The following USP49 variants were observed in gnomAD, a reference collection of about 807,000 sequenced individuals.
USP49 encodes ubiquitin carboxyl-terminal hydrolase 49.
USP49 carries 24 observed loss-of-function variants against 58.6 expected under a neutral mutation model. The observed-to-expected ratio is 0.41, with a 90% CI of 0.30 to 0.58. The LOEUF (loss-of-function observed/expected upper bound fraction) is 0.58. USP49 is among the 20% of genes least tolerant of loss of function. USP49 has a pLI of 0.30. For missense variants in USP49, 703 were observed against 866.1 expected (o/e 0.81, Z 2.36); for synonymous variants, 408 against 365.1 (o/e 1.12, Z -1.34).
Position 41,805,759 on chromosome 6 carries a change from G to T in USP49, c.1225C>A (p.His409Asn). The change falls in exon 4 of 8, where the codon CAC becomes AAC. Residue 409 changes from histidine (H) to asparagine (N), a missense_variant. Physicochemically the swap from His to Asn is moderately conservative, Grantham distance 68 (BLOSUM62 1). Transcript: ENST00000682992. ...DAQEFLCELL[H>N]KVQQELESEG... ...GACTCGAGTTCCTGCTGCACCTTGT[G>T]CAGCAGCTCGCAGAGAAATTCCTGC... 6.2e-7 allele frequency: 1 copy of T among 1,614,132 alleles called. No individual in the cohort carries two copies.
intron 3 of USP49, among the ~76,000 whole-genome samples, chr6:41,863,428 T>A (rs1031597011): frequency 6.6e-6 from 1 of 152,204 alleles, no homozygotes; most frequent in Non-Finnish European, 1.5e-5. Context: ...ATTATTACTG[T>A]TTTAATTGCT....
Position 41,803,423 on chromosome 6 carries a change from C to A in USP49, c.1561+383G>T, listed in dbSNP as rs1455985283. 6.6e-6 allele frequency among the ~76,000 whole-genome samples: 1 copy of A among 152,204 alleles called. No individual in the cohort carries two copies. Among genetic ancestry groups the A allele is most frequent in the African/African-American group, 2.4e-5 (1 of 41,446 alleles). On this transcript the variant is annotated intron_variant, in intron 5 of 7. Coordinates refer to ENST00000682992, the MANE Select transcript of USP49 (RefSeq NM_001286554.2). This position sits in a 1 kb window ranked among gnomAD's most constrained non-coding sequence, Gnocchi z 4.1. ...GGTTCAACCGATTCTCCTGCCTCAG[C>A]CTCCCGAGTAGCTGGGATTACAGGC... is the stretch of plus-strand genomic sequence containing the variant.
chr6:41,878,361 G>A (rs1774538949), intron 2 of USP49, among the ~76,000 whole-genome samples: 1 of 152,098 alleles, frequency 6.6e-6, no homozygotes. Flanking sequence ...AGAACTAAAG[G>A]ACATACGATC....
At position 41,806,054 on chromosome 6, in the gene USP49, G is replaced by C; in HGVS notation, c.930C>G (p.Ser310Arg). ...KTQLSGKPTN[S>R]SATELSLRND... is the part of the protein sequence containing the mutation. The stretch of plus-strand genomic sequence containing the variant: ...TTCTCAAGGACAGCTCCGTGGCCGA[G>C]CTGTTGGTTGGCTTGCCAGAAAGCT... Residue 310 changes from serine (S) to arginine (R), a missense_variant, in exon 4 of 8, where the codon AGC (serine) becomes AGG (arginine). Around this residue, in one of 6 missense-constraint regions of USP49, gnomAD observed 97 missense variants for 88.0 expected, o/e 1.10. Transcript: ENST00000682992. The surrounding 1 kb of genome is among the most constrained non-coding windows in gnomAD (Gnocchi z 5.9). 6.2e-7 allele frequency: 1 copy of C among 1,614,066 alleles called. No individual in the cohort carries two copies. The highest frequency in any genetic ancestry group is 8.5e-7 in the Non-Finnish European group (1 of 1,180,044).
rs546399986 is a variant in USP49 at position 41,818,784 on chromosome 6, T to C, written c.-28-11773A>G. 4.6e-5 allele frequency among the ~76,000 whole-genome samples: 7 copies of C among 152,326 alleles called. 1 individual carries two copies. Among genetic ancestry groups the C allele is most frequent in the African/African-American group, 1.7e-4 (7 of 41,572 alleles). ...CTTAAGCCAAGAAAGGATTATCCTGTGCAACAGAACCCCTGATCTCATTTG... is the reference window on the plus strand; with the variant it reads ...CTTAAGCCAAGAAAGGATTATCCTGCGCAACAGAACCCCTGATCTCATTTG... On this transcript the variant is annotated intron_variant, in intron 3 of 7. Coordinates refer to ENST00000682992, the MANE Select transcript of USP49 (RefSeq NM_001286554.2).
chr6:41,817,835 C>G (rs754013598), intron 3 of USP49, among the ~76,000 whole-genome samples: 1 of 152,040 alleles, frequency 6.6e-6, no homozygotes, highest in Non-Finnish European at 1.5e-5. Context: ...AGACTGGTCT[C>G]GAACTCCTGA....
At chr6:41,812,268 G>A (rs948651122) in intron 3 of USP49, among the ~76,000 whole-genome samples, 1 of 151,488 alleles carries the variant, frequency 6.6e-6, no homozygotes, top group Admixed American at 6.6e-5. Context: ...TAGTAGAGAC[G>A]GGGTTTCTCC....
intron 3 of USP49, among the ~76,000 whole-genome samples, chr6:41,830,375 A>C (rs1370734752): frequency 6.6e-6 from 1 of 152,226 alleles, no homozygotes; most frequent in Non-Finnish European, 1.5e-5. Flanking sequence ...CAGTGATCAC[A>C]GGTCTCCAAG....
rs1324269228 is a variant in USP49, at chr6:41,806,918, C to G, written c.66G>C (p.Gln22His). Reference protein sequence around the residue: ...LAQDHSILNPQKWCCLECATT... With the variant: ...LAQDHSILNPHKWCCLECATT... ...TGGCACACTCTAAGCAGCACCACTT[C>G]TGAGGGTTCAGGATGGAGTGGTCCT... is the stretch of plus-strand genomic sequence containing the variant. Residue 22 changes from glutamine (Q) to histidine (H), a missense_variant, in exon 4 of 8, where the codon CAG becomes CAC. Physicochemically the swap from Gln to His is conservative, Grantham distance 24. Transcript: ENST00000682992. This position sits in a 1 kb window ranked among gnomAD's most constrained non-coding sequence, Gnocchi z 5.9. 6.2e-7 allele frequency: 1 copy of G among 1,613,636 alleles called. No homozygotes were observed. The highest frequency in any genetic ancestry group is 8.5e-7 in the Non-Finnish European group (1 of 1,179,920).
intron 6 of USP49, 62 bp from the exon 7 acceptor site, chr6:41,798,991 T>C (rs776090078): frequency 2.6e-6 from 4 of 1,537,246 alleles, no homozygotes; most frequent in Non-Finnish European, 3.5e-6. Flanking sequence ...TAGGTAGAGG[T>C]AGGTATTAAT....
At position 41,806,499 on chromosome 6, in the gene USP49, C is replaced by T; in HGVS notation, c.485G>A (p.Ser162Asn). Residue 162 changes from serine (S) to asparagine (N), a missense_variant, in exon 4 of 8, where the codon AGC (serine) becomes AAC (asparagine). By Grantham distance (46) the Ser-to-Asn change is conservative (BLOSUM62 1). Around this residue, in one of 6 missense-constraint regions of USP49, gnomAD observed 376 missense variants for 373.5 expected, o/e 1.01. Transcript: ENST00000682992. This position sits in a 1 kb window ranked among gnomAD's most constrained non-coding sequence, Gnocchi z 5.9. ...ARTLRLWFEK[S>N]SRGQAKLEQR... ...CTCCAGCTTCGCCTGGCCCCGGGAG[C>T]TCTTCTCGAACCACAGCCGCAGCGT... 1 of 1,598,540 alleles carries T rather than the reference C, an allele frequency of 6.3e-7. No homozygotes were observed. Among genetic ancestry groups the T allele is most frequent in the Non-Finnish European group, 8.5e-7 (1 of 1,179,332 alleles).
At chr6:41,854,428 G>T (rs768993760) in intron 3 of USP49, among the ~76,000 whole-genome samples, 7 of 151,790 alleles carry the variant, frequency 4.6e-5, no homozygotes, top group Non-Finnish European at 8.8e-5. Flanking sequence ...CTATCCCAAG[G>T]TAATTTATTC....
chr6:41,818,940 T>C (rs1385816870), intron 3 of USP49, among the ~76,000 whole-genome samples: 1 of 152,056 alleles, frequency 6.6e-6, no homozygotes, highest in Non-Finnish European at 1.5e-5. Context: ...CAATGCAAAC[T>C]ACTTCCTGTG....
rs1773135337 is a variant in USP49 at position 41,806,504 on chromosome 6, C to A, written c.480G>T (p.Glu160Asp). 1.3e-6 allele frequency: 2 copies of A among 1,598,664 alleles called. No individual in the cohort carries two copies. Among genetic ancestry groups the A allele is most frequent in the Admixed American group, 3.3e-5 (2 of 59,910 alleles). Residue 160 changes from glutamate to aspartate, a missense_variant, in exon 4 of 8, where the codon GAG becomes GAT. By Grantham distance (45) the Glu-to-Asp change is conservative. Around this residue, in one of 6 missense-constraint regions of USP49, gnomAD observed 376 missense variants for 373.5 expected, o/e 1.01. Coordinates refer to ENST00000682992, the MANE Select transcript of USP49 (RefSeq NM_001286554.2). The surrounding 1 kb of genome is among the most constrained non-coding windows in gnomAD (Gnocchi z 5.9). ...GCTTCGCCTGGCCCCGGGAGCTCTT[C>A]TCGAACCACAGCCGCAGCGTCCTGG... ...LLARTLRLWF[E>D]KSSRGQAKLE...
In USP49 at chr6:41,803,476, G is replaced by T. The variant is rs1773055615; in HGVS notation, c.1561+330C>A. ...CTGCCACTATGCCCAGCTAATTTTT[G>T]TATTTTTAGTAGAGACAGGGTTTCA... is the stretch of plus-strand genomic sequence containing the variant. On this transcript the variant is annotated intron_variant, in intron 5 of 7. Transcript: ENST00000682992. This position sits in a 1 kb window ranked among gnomAD's most constrained non-coding sequence, Gnocchi z 4.1. Among the ~76,000 whole-genome samples the T allele has an allele frequency of 6.6e-6, 1 of 152,156 alleles. No homozygotes were observed. The highest frequency in any genetic ancestry group is 6.5e-5 in the Admixed American group (1 of 15,282).
At chr6:41,866,070 C>T (rs1774313884) in intron 3 of USP49, among the ~76,000 whole-genome samples, 1 of 151,544 alleles carries the variant, frequency 6.6e-6, no homozygotes, top group Non-Finnish European at 1.5e-5. Flanking sequence ...TACAGGCGCC[C>T]ACCACCACGT....
intron 3 of USP49, among the ~76,000 whole-genome samples, chr6:41,862,607 A>C (rs141862783): frequency 1.4e-3 from 218 of 152,348 alleles, no homozygotes; most frequent in African/African-American, 5.1e-3. Flanking sequence ...CTTAAAAATA[A>C]GAGTACATTA....
At chr6:41,874,668 C>T (rs928887702) in intron 2 of USP49, among the ~76,000 whole-genome samples, 2 of 152,120 alleles carry the variant, frequency 1.3e-5, no homozygotes, top group East Asian at 1.9e-4. Context: ...TTCTGCTCTT[C>T]GGAAATATAC....
chr6:41,840,363 A>C (rs1314380184), intron 3 of USP49, among the ~76,000 whole-genome samples: 1 of 150,328 alleles, frequency 6.7e-6, no homozygotes, highest in Non-Finnish European at 1.5e-5. Context: ...GACCGAGCAA[A>C]ACTCCGTCTC....
Sources: allele counts gnomAD v4.1 joint callset (sites outside exome capture counted in the v4.1 genomes callset), GRCh38; gene constraint gnomAD v4.1.1; regional missense constraint gnomAD v4.1.1; non-coding constraint Gnocchi (gnomAD v3.1); transcripts MANE v1.5; gene names NCBI Gene and HGNC (gene_info 2026-07-23, HGNC 2026-07-21).